The following TTC39A variants were observed in gnomAD, a reference collection of about 807,000 sequenced individuals.
TTC39A encodes tetratricopeptide repeat domain 39A, also known as tetratricopeptide repeat protein 39A.
A neutral mutation model predicts 82.3 loss-of-function variants in TTC39A; 46 were observed. That is an observed-to-expected ratio of 0.56 (90% CI 0.44 to 0.71). The LOEUF is 0.71. TTC39A is among the 30% of genes least tolerant of loss of function. TTC39A has a pLI of 0.00. For missense variants in TTC39A, 543 were observed against 712.9 expected, an observed-to-expected ratio of 0.76 and a Z score of 2.71; for synonymous variants, 254 against 275.2, an observed-to-expected ratio of 0.92 and a Z score of 0.76.
chr1:51,327,957 A>G (rs1428285813), intron 1 of TTC39A, among the ~76,000 whole-genome samples: 1 of 152,154 alleles, frequency 6.6e-6, no homozygotes, highest in African/African-American at 2.4e-5. Context: ...TGGGCCTCCC[A>G]AAGTGCTGGG....
At chr1:51,345,102 C>T (rs1646082465) in exon 1 of TTC39A, 1 of 1,238,456 alleles carries the variant, frequency 8.1e-7, no homozygotes, top group Non-Finnish European at 1.0e-6. Flanking sequence ...CGGCGGCGGC[C>T]GTGGAGGCTA....
chr1:51,301,549 C>T lies in TTC39A; in HGVS notation c.1053+23G>A, dbSNP rs1366186066. On this transcript the variant is annotated intron_variant, in intron 12 of 17. Coordinates refer to ENST00000680483, the MANE Select transcript of TTC39A (RefSeq NM_001297663.2). ...CAGTCAGCCCTGGTCACCCAATGCCCCTAACACGTGGCATCAGCCCACCTT... is the reference window on the plus strand; with the variant it reads ...CAGTCAGCCCTGGTCACCCAATGCCTCTAACACGTGGCATCAGCCCACCTT... 3 of 1,580,456 alleles carry T rather than the reference C, an allele frequency of 1.9e-6. No homozygotes were observed. In the African/African-American group the frequency reaches 4.0e-5, roughly 21 times the overall value.
chr1:51,298,516 C>G (rs1036757692), intron 12 of TTC39A: 1 of 152,710 alleles, frequency 6.5e-6, no homozygotes, highest in African/African-American at 2.4e-5. Flanking sequence ...TGCCCACAGA[C>G]AGCTCACCCT....
In TTC39A at chr1:51,301,677, G is replaced by T; in HGVS notation, c.948C>A (p.His316Gln). The change falls in exon 12 of 18, where the codon CAC (histidine) becomes CAA (glutamine). Residue 316 changes from histidine to glutamine, a missense_variant. By Grantham distance (24) the His-to-Gln change is conservative. Transcript: ENST00000680483. Reference sequence around the variant, plus strand: ...ACATCAGCTCCCAGTAGCACATGTGGTGGAACTGCTTCCAGTGCTGCTGGG... The same window carrying T: ...ACATCAGCTCCCAGTAGCACATGTGTTGGAACTGCTTCCAGTGCTGCTGGG... ...CEAQQHWKQFHHMCYWELMWC... is the reference protein window; with the variant it reads ...CEAQQHWKQFQHMCYWELMWC... 1 of 1,613,620 alleles carries T rather than the reference G, an allele frequency of 6.2e-7. No individual in the cohort carries two copies. The highest frequency in any genetic ancestry group is 1.1e-5 in the South Asian group (1 of 91,076).
intron 2 of TTC39A, among the ~76,000 whole-genome samples, chr1:51,315,686 T>C (rs1303051514): frequency 6.6e-6 from 1 of 152,244 alleles, no homozygotes; most frequent in African/African-American, 2.4e-5. Context: ...TTCTGGGACC[T>C]GCCTCAGCTC....
intron 11 of TTC39A, 119 bp downstream of exon 11, chr1:51,302,238 T>TGGGGGGGGGGGGGGGGGGGGGGGGGGG: frequency 2.8e-6 from 2 of 723,690 alleles, no homozygotes; most frequent in Non-Finnish European, 5.0e-6. Context: ...GGTTCTCTCT[T>TGGGGGGGGGGGGGGGGGGGGGGGGGGG]GGCCCCCCCC....
rs191517703 is a variant in TTC39A, at chr1:51,321,708, G to A, written c.146+13C>T. The stretch of plus-strand genomic sequence containing the variant: ...ATGCACACCCCCTACCCCAACCGGG[G>A]CTTGAGCCTCACCTGGGCTTGAGGT... On this transcript the variant is annotated intron_variant, in intron 2 of 17. Transcript: ENST00000680483. The surrounding 1 kb of genome is among the most constrained non-coding windows in gnomAD (Gnocchi z 4.6). The A allele has an allele frequency of 1.3e-5, 21 of 1,612,970 alleles. No individual in the cohort carries two copies. The highest frequency in any genetic ancestry group is 1.7e-5 in the Admixed American group (1 of 59,944).
At chr1:51,303,665 C>T (rs1330016238) in intron 8 of TTC39A, among the ~76,000 whole-genome samples, 1 of 152,192 alleles carries the variant, frequency 6.6e-6, no homozygotes, top group Non-Finnish European at 1.5e-5. Flanking sequence ...TCCCTGCCTG[C>T]AGTCTCTGCC....
At chr1:51,314,542 T>C (rs987424578) in intron 2 of TTC39A, among the ~76,000 whole-genome samples, 1 of 152,218 alleles carries the variant, frequency 6.6e-6, no homozygotes, top group African/African-American at 2.4e-5. Context: ...ATAAGTTAAG[T>C]TACTTCTGGG....
chr1:51,309,290 G>T lies in TTC39A; in HGVS notation c.459C>A (p.Ile153=). 6.2e-7 allele frequency: 1 copy of T among 1,612,710 alleles called. No individual in the cohort carries two copies. Among genetic ancestry groups the T allele is most frequent in the Non-Finnish European group, 8.5e-7 (1 of 1,179,398 alleles). The change falls in exon 6 of 18, where the codon ATC becomes ATA. Residue 153 remains isoleucine (I), a synonymous_variant. Transcript: ENST00000680483. ...AGGTCTGGTAGCTGTTTCGAACTTT[G>T]ATGCCGCCTTTGATGAAGCTCACCA... ...ENMVSFIKGG[I]KVRNSYQTYK...
intron 2 of TTC39A, among the ~76,000 whole-genome samples, chr1:51,317,831 G>A (rs1645347718): frequency 6.6e-6 from 1 of 152,206 alleles, no homozygotes; most frequent in South Asian, 2.1e-4. Flanking sequence ...AACAGAAGCT[G>A]CACTACTTCC....
intron 14 of TTC39A, among the ~76,000 whole-genome samples, chr1:51,291,088 T>C (rs1034644845): frequency 6.6e-6 from 1 of 152,246 alleles, no homozygotes; most frequent in African/African-American, 2.4e-5. Flanking sequence ...GGCTAAATAA[T>C]GACATTCATA....
rs575144254 is a variant in TTC39A at position 51,290,229 on chromosome 1, C to A, written c.1379-110G>T. 2.8e-5 allele frequency: 27 copies of A among 967,656 alleles called. No individual in the cohort carries two copies. In the African/African-American group the frequency reaches 3.9e-4, roughly 14 times the overall value. 59.9% of individuals were successfully genotyped at this position (967,656 alleles called of 1,614,324 possible). A position where few individuals can be genotyped will look rare whatever the true frequency, so the allele number is the denominator to read the frequency against. The stretch of plus-strand genomic sequence containing the variant: ...CAAAGGGACACAGGTAAATCAGACA[C>A]AGTCCCTGTCCTCAGCAGGGGTCAC... On this transcript the variant is annotated intron_variant, in intron 15 of 17. Transcript: ENST00000680483.
upstream of TTC39A, among the ~76,000 whole-genome samples, chr1:51,332,190 C>T (rs76984936): frequency 0.032 from 4,944 of 152,356 alleles, 132 homozygotes; most frequent in Non-Finnish European, 0.051. Context: ...TTTACCAATA[C>T]AGGTTGAGCA....
chr1:51,323,559 C>A (rs1040001427), intron 1 of TTC39A, among the ~76,000 whole-genome samples: 4 of 152,202 alleles, frequency 2.6e-5, no homozygotes, highest in African/African-American at 7.2e-5. Context: ...TTCCATATTT[C>A]ATGTCTCTTA....
chr1:51,338,421 T>C (rs770806892), intron 1 of TTC39A, among the ~76,000 whole-genome samples: 1 of 151,832 alleles, frequency 6.6e-6, no homozygotes, highest in Non-Finnish European at 1.5e-5. Flanking sequence ...CAAAGGCAGG[T>C]ATCTTGCATT....
chr1:51,330,315 G>C lies in TTC39A; in HGVS notation c.41+122C>G. Reference sequence around the variant, plus strand: ...CTGCCAGGGGCCGGGCGGGGTGGGGGCTGGAAGCCGCAGTGCGGCCCCAGG... The same window carrying C: ...CTGCCAGGGGCCGGGCGGGGTGGGGCCTGGAAGCCGCAGTGCGGCCCCAGG... On this transcript the variant is annotated intron_variant, in intron 1 of 17. Transcript: ENST00000680483. The surrounding 1 kb of genome is among the most constrained non-coding windows in gnomAD (Gnocchi z 4.5). 1.6e-5 allele frequency: 15 copies of C among 914,792 alleles called. No individual in the cohort carries two copies. The highest frequency in any genetic ancestry group is 2.0e-5 in the Non-Finnish European group (15 of 766,682). The allele number at this position is 914,792 out of a possible 1,614,324, so 56.7% of individuals were successfully genotyped here. A position where few individuals can be genotyped will look rare whatever the true frequency, so the allele number is the denominator to read the frequency against.
intron 1 of TTC39A, among the ~76,000 whole-genome samples, chr1:51,337,104 A>G (rs1331046635): frequency 6.6e-6 from 1 of 152,006 alleles, no homozygotes; most frequent in Non-Finnish European, 1.5e-5. Flanking sequence ...TCACATCACA[A>G]CTCTGCTCAA....
chr1:51,301,796 CG>C, intron 11 of TTC39A, 63 bp from the exon 12 acceptor site: 1 of 1,566,804 alleles, frequency 6.4e-7, no homozygotes, highest in Non-Finnish European at 8.6e-7. Context: ...CTGCATCCTC[CG>C]AACCTCCCAA....
Sources: gnomAD v4.1 joint callset for allele counts (sites outside exome capture counted in the v4.1 genomes callset) on GRCh38, gnomAD v4.1.1 for gene constraint, Gnocchi (gnomAD v3.1) non-coding constraint, MANE v1.5 for transcripts, NCBI Gene and HGNC (gene_info 2026-07-23, HGNC 2026-07-21) for gene names.